The following LAMA2 variants were observed in gnomAD, a reference collection of about 807,000 sequenced individuals.
LAMA2 encodes the protein laminin subunit alpha-2.
LAMA2 carries 269 observed loss-of-function variants against 364.8 expected under a neutral mutation model. The observed-to-expected ratio is 0.74, with a 90% CI of 0.67 to 0.82. The LOEUF (loss-of-function observed/expected upper bound fraction) is 0.82. Ranked by LOEUF, LAMA2 falls within the 40% of genes least tolerant of loss-of-function variation. The pLI, the probability that LAMA2 is intolerant of heterozygous loss-of-function variation, is 0.00. For missense variants in LAMA2, 3,807 were observed against 3,873.2 expected (o/e 0.98, Z 0.45); for synonymous variants, 1,379 against 1,370.6 (o/e 1.01, Z -0.14).
At chr6:129,291,870 T>A (rs1789724728) in intron 20 of LAMA2, 150 bp downstream of exon 20, 1 of 678,346 alleles carries the variant, frequency 1.5e-6, no homozygotes, top group Middle Eastern at 3.4e-4. Flanking sequence ...AGTGAAAAGT[T>A]TTTTTCAAAC....
At position 129,280,112 on chromosome 6, in the gene LAMA2, A is replaced by T; in HGVS notation, c.2502A>T (p.Gly834=). The T allele has an allele frequency of 6.2e-7, 1 of 1,613,330 alleles. No homozygotes were observed. Among genetic ancestry groups the T allele is most frequent in the Non-Finnish European group, 8.5e-7 (1 of 1,179,412 alleles). Residue 834 remains glycine, a synonymous_variant, in exon 18 of 65, where the codon GGA becomes GGT. Coordinates refer to ENST00000421865, the MANE Select transcript of LAMA2 (RefSeq NM_000426.4). ...GGAGTCTTGGATTGATCTGTGATGG[A>T]TGCCCTGTCGGGTACACAGGACCAC... ...LDRSLGLICD[G]CPVGYTGPRC... is the part of the protein sequence containing the mutation.
intron 1 of LAMA2, among the ~76,000 whole-genome samples, chr6:128,948,293 C>T (rs1454689604): frequency 6.6e-6 from 1 of 152,134 alleles, no homozygotes; most frequent in Non-Finnish European, 1.5e-5. Context: ...TATAGGAATA[C>T]TAATTTCTCC....
intron 17 of LAMA2, among the ~76,000 whole-genome samples, chr6:129,276,991 T>G (rs1788375966): frequency 6.6e-6 from 1 of 152,132 alleles, no homozygotes; most frequent in South Asian, 2.1e-4. Flanking sequence ...TATAAGTAGA[T>G]TATAAAAATA....
intron 12 of LAMA2, among the ~76,000 whole-genome samples, chr6:129,211,200 A>C (rs1368574060): frequency 6.6e-6 from 1 of 152,196 alleles, no homozygotes; most frequent in Non-Finnish European, 1.5e-5. Context: ...ATTGAAAAGA[A>C]AATAATTGCA....
intron 4 of LAMA2, among the ~76,000 whole-genome samples, chr6:129,140,350 T>TG (rs1039865614): frequency 2.0e-5 from 3 of 152,074 alleles, no homozygotes; most frequent in African/African-American, 7.2e-5. Context: ...TGATAAGGTT[T>TG]CCCCCCCTTT....
In LAMA2 at chr6:129,478,714, A is replaced by G. The variant is rs886038295; in HGVS notation, c.7473A>G (p.Lys2491=). The G allele has an allele frequency of 6.2e-7, 1 of 1,613,526 alleles. No individual in the cohort carries two copies. ...MKARPEVNLK[K]YSGCLKDIEI... ...ATAGGCCAGAAGTAAATCTGAAGAAATATTCCGGCTGCCTCAAAGATATTG... is the reference window on the plus strand; with the variant it reads ...ATAGGCCAGAAGTAAATCTGAAGAAGTATTCCGGCTGCCTCAAAGATATTG... The change falls in exon 54 of 65, where the codon AAA becomes AAG. Residue 2491 remains lysine, a synonymous_variant. Coordinates refer to ENST00000421865, the MANE Select transcript of LAMA2 (RefSeq NM_000426.4).
intron 14 of LAMA2, among the ~76,000 whole-genome samples, chr6:129,257,150 C>T (rs554062975): frequency 6.6e-6 from 1 of 151,750 alleles, no homozygotes; most frequent in African/African-American, 2.4e-5. Flanking sequence ...ATATTATTGC[C>T]AACATTATGT....
intron 41 of LAMA2, among the ~76,000 whole-genome samples, chr6:129,429,546 A>G (rs559947211): frequency 6.6e-6 from 1 of 152,190 alleles, no homozygotes; most frequent in Non-Finnish European, 1.5e-5. Context: ...TTTTAATAGT[A>G]CAATTCTTCA....
intron 51 of LAMA2, among the ~76,000 whole-genome samples, chr6:129,471,646 T>G (rs1374653430): frequency 2.6e-5 from 4 of 151,950 alleles, no homozygotes; most frequent in Non-Finnish European, 5.9e-5. Context: ...AACAGTTTTA[T>G]AAATCTATTT....
At chr6:129,396,772 C>G (rs898439393) in intron 37 of LAMA2, among the ~76,000 whole-genome samples, 3 of 151,910 alleles carry the variant, frequency 2.0e-5, no homozygotes, top group African/African-American at 7.2e-5. Flanking sequence ...ATAAAGAATA[C>G]ACAGGCCAGC....
intron 9 of LAMA2, among the ~76,000 whole-genome samples, chr6:129,173,554 G>T (rs1780360751): frequency 6.6e-6 from 1 of 152,064 alleles, no homozygotes; most frequent in South Asian, 2.1e-4. Context: ...GATTTTCACA[G>T]TTACATTCAG....
intron 3 of LAMA2, among the ~76,000 whole-genome samples, chr6:129,078,952 G>T (rs976407260): frequency 6.6e-6 from 1 of 152,054 alleles, no homozygotes; most frequent in Non-Finnish European, 1.5e-5. Flanking sequence ...ATTCTTCCAC[G>T]TTGTAGCATA....
intron 12 of LAMA2, among the ~76,000 whole-genome samples, chr6:129,223,483 A>G (rs1442650009): frequency 2.6e-5 from 4 of 152,162 alleles, no homozygotes; most frequent in Non-Finnish European, 5.9e-5. Flanking sequence ...TATGTCTAAC[A>G]TTTAAGTCTT....
In LAMA2 at chr6:129,512,441, G is replaced by T; in HGVS notation, c.8936G>T (p.Gly2979Val). The T allele has an allele frequency of 6.2e-7, 1 of 1,613,630 alleles. No homozygotes were observed. The highest frequency in any genetic ancestry group is 1.1e-5 in the South Asian group (1 of 91,064). The change falls in exon 63 of 65, where the codon GGG becomes GTG. Residue 2979 changes from glycine (G) to valine (V), a missense_variant. By Grantham distance (109) the Gly-to-Val change is moderately radical. Around this residue, in one of 3 missense-constraint regions of LAMA2, gnomAD observed 3,333 missense variants for 3,345.7 expected, o/e 1.00. Transcript: ENST00000421865. ...RTTTTTGVLL[G>V]ISSQKMDGMG... ...ACTACAACGACTGGAGTTCTTCTGGGGATCAGTAGTCAAAAAATGGATGGA... is the reference window on the plus strand; with the variant it reads ...ACTACAACGACTGGAGTTCTTCTGGTGATCAGTAGTCAAAAAATGGATGGA...
At chr6:128,946,560 A>G (rs1780497619) in intron 1 of LAMA2, among the ~76,000 whole-genome samples, 1 of 152,188 alleles carries the variant, frequency 6.6e-6, no homozygotes, top group South Asian at 2.1e-4. Context: ...ACAAAATCGA[A>G]AAATACGAAG....
chr6:129,400,304 G>A (rs566883264), intron 37 of LAMA2, among the ~76,000 whole-genome samples: 2 of 152,276 alleles, frequency 1.3e-5, no homozygotes, highest in South Asian at 4.1e-4. Context: ...ATTTTCAGGG[G>A]ACACAGACAT....
rs531622069 is a variant in LAMA2, at chr6:129,349,633, G to GTA, written c.4523+264_4523+265dup. 5.4e-3 allele frequency among the ~76,000 whole-genome samples: 798 copies of GTA among 148,760 alleles called. 4 individuals carry two copies. The highest frequency in any genetic ancestry group is 7.6e-3 in the African/African-American group (309 of 40,726). On this transcript the variant is annotated intron_variant, in intron 31 of 64. Coordinates refer to ENST00000421865, the MANE Select transcript of LAMA2 (RefSeq NM_000426.4). The stretch of plus-strand genomic sequence containing the variant: ...TTACAATTATCTAACTTATGCTTTA[G>GTA]TATATATATATATATAATTTTATAT...
At chr6:128,991,055 G>A (rs867777543) in intron 1 of LAMA2, among the ~76,000 whole-genome samples, 1 of 152,004 alleles carries the variant, frequency 6.6e-6, no homozygotes, top group Admixed American at 6.6e-5. Context: ...TAAACACAGC[G>A]ATGATCATTT....
chr6:129,481,338 A>G lies in LAMA2; in HGVS notation c.7648A>G (p.Ile2550Val), dbSNP rs759127969. The change falls in exon 55 of 65, where the codon ATC becomes GTC. Residue 2550 changes from isoleucine (I) to valine (V), a missense_variant. Around this residue, in one of 3 missense-constraint regions of LAMA2, gnomAD observed 3,333 missense variants for 3,345.7 expected, o/e 1.00. Coordinates refer to ENST00000421865, the MANE Select transcript of LAMA2 (RefSeq NM_000426.4). The stretch of plus-strand genomic sequence containing the variant: ...TGTGCCAATTGATGTAGGAACAGAA[A>G]TCAACCTGTCATTCAGCACCAAGAA... The part of the protein sequence containing the change: ...SPVPIDVGTE[I>V]NLSFSTKNES... The G allele has an allele frequency of 6.2e-7, 1 of 1,613,930 alleles. No individual in the cohort carries two copies. Among genetic ancestry groups the G allele is most frequent in the South Asian group, 1.1e-5 (1 of 91,080 alleles).
Sources: gnomAD v4.1 joint callset for allele counts (sites outside exome capture counted in the v4.1 genomes callset) on GRCh38, gnomAD v4.1.1 for gene constraint, gnomAD v4.1.1 regional missense constraint, MANE v1.5 for transcripts, NCBI Gene and HGNC (gene_info 2026-07-23, HGNC 2026-07-21) for gene names.